The following ANTXR1 variants were observed in gnomAD, a reference collection of about 807,000 sequenced individuals.
ANTXR1 encodes ANTXR cell adhesion molecule 1, also known as anthrax toxin receptor 1.
ANTXR1 carries 19 observed loss-of-function variants against 78.1 expected under a neutral mutation model. That is an observed-to-expected ratio of 0.24 (90% CI 0.17 to 0.36). The LOEUF is 0.36. ANTXR1 is among the 10% of genes least tolerant of loss of function. ANTXR1 has a pLI of 1.00. For missense variants in ANTXR1, 518 were observed against 718.6 expected, an observed-to-expected ratio of 0.72 and a Z score of 3.19; for synonymous variants, 273 against 260.5, an observed-to-expected ratio of 1.05 and a Z score of -0.46.
At chr2:69,065,449 T>G (rs1385218495) in intron 3 of ANTXR1, among the ~76,000 whole-genome samples, 1 of 146,052 alleles carries the variant, frequency 6.8e-6, no homozygotes, top group African/African-American at 2.6e-5. Flanking sequence ...AAAAGTGATT[T>G]TTCTAAAAGG....
At chr2:69,185,551 G>GAA (rs75084788) in intron 16 of ANTXR1, among the ~76,000 whole-genome samples, 18 of 89,556 alleles carry the variant, frequency 2.0e-4, no homozygotes, top group Admixed American at 3.6e-4. Context: ...AATAAAAAAA[G>GAA]AAAAAAAAAA....
chr2:69,173,346 T>A (rs1225699614), intron 14 of ANTXR1, among the ~76,000 whole-genome samples: 1 of 152,214 alleles, frequency 6.6e-6, no homozygotes, highest in East Asian at 1.9e-4. Flanking sequence ...TGCTTATAGC[T>A]GAGTCTCTCA....
chr2:69,205,756 A>G lies in ANTXR1; in HGVS notation c.1434+12341A>G, dbSNP rs1002454810. Among the ~76,000 whole-genome samples, 5 of 152,284 alleles carry G rather than the reference A, an allele frequency of 3.3e-5. No individual in the cohort carries two copies. In the South Asian group the frequency reaches 6.2e-4, roughly 19 times the overall value. On this transcript the variant is annotated intron_variant, in intron 17 of 17. Transcript: ENST00000303714. ...CACAGGCAAGGGGACATCTGAATGAATCCTCCGTCTCTTAATAAGGAGAGA... is the reference window on the plus strand; with the variant it reads ...CACAGGCAAGGGGACATCTGAATGAGTCCTCCGTCTCTTAATAAGGAGAGA...
chr2:69,161,991 C>T (rs1673693974), intron 13 of ANTXR1, among the ~76,000 whole-genome samples: 1 of 151,232 alleles, frequency 6.6e-6, no homozygotes, highest in South Asian at 2.1e-4. Context: ...TTTGAGCTAA[C>T]CTCTGAGCGT....
At chr2:69,092,572 T>G (rs1671274375) in intron 9 of ANTXR1, among the ~76,000 whole-genome samples, 1 of 152,202 alleles carries the variant, frequency 6.6e-6, no homozygotes, top group Non-Finnish European at 1.5e-5. Flanking sequence ...TCCCAAAAGA[T>G]TACCTACTGA....
chr2:69,134,114 G>A (rs1225756296), intron 12 of ANTXR1, among the ~76,000 whole-genome samples: 3 of 152,120 alleles, frequency 2.0e-5, no homozygotes, highest in South Asian at 2.1e-4. Flanking sequence ...AACTAAGGAG[G>A]TGATGGGACC....
chr2:69,157,170 C>T (rs1413553732), intron 13 of ANTXR1, among the ~76,000 whole-genome samples: 2 of 152,158 alleles, frequency 1.3e-5, no homozygotes, highest in Admixed American at 6.5e-5. Context: ...TAGGCACTGT[C>T]GACCTCTCTC....
chr2:69,213,996 A>T lies in ANTXR1; in HGVS notation c.1434+20581A>T, dbSNP rs546792599. Among the ~76,000 whole-genome samples, 13 of 152,364 alleles carry T rather than the reference A, an allele frequency of 8.5e-5. No individual in the cohort carries two copies. The South Asian group carries it at 2.3e-3, about 27-fold the overall frequency. On this transcript the variant is annotated intron_variant, in intron 17 of 17. Transcript: ENST00000303714. Reference sequence around the variant, plus strand: ...TGCTGTGGTCCCTCTGCCAGCCCCCAGGGCAACCCACAGCCAGGCAGTCTC... The same window carrying T: ...TGCTGTGGTCCCTCTGCCAGCCCCCTGGGCAACCCACAGCCAGGCAGTCTC...
intron 3 of ANTXR1, among the ~76,000 whole-genome samples, chr2:69,069,812 A>G (rs1385337836): frequency 1.3e-5 from 2 of 152,154 alleles, no homozygotes; most frequent in Non-Finnish European, 2.9e-5. Context: ...ATTTAAATAG[A>G]GCATCTCCAC....
At chr2:69,177,701 A>G (rs1674164694) in intron 14 of ANTXR1, among the ~76,000 whole-genome samples, 1 of 152,132 alleles carries the variant, frequency 6.6e-6, no homozygotes, top group Non-Finnish European at 1.5e-5. Flanking sequence ...GCTAGACACG[A>G]TCTAGCAGCT....
At chr2:69,184,205 A>C (rs1674363926) in intron 16 of ANTXR1, among the ~76,000 whole-genome samples, 1 of 152,214 alleles carries the variant, frequency 6.6e-6, no homozygotes, top group Non-Finnish European at 1.5e-5. Flanking sequence ...CAGTGTAGCG[A>C]AACGTTATTG....
chr2:69,153,698 GA>G (rs1244336070), intron 13 of ANTXR1, among the ~76,000 whole-genome samples: 1 of 152,198 alleles, frequency 6.6e-6, no homozygotes, highest in East Asian at 1.9e-4. Context: ...TTCAAGTCTA[GA>G]AAAAGAAAAG....
rs114613813 is a variant in ANTXR1 at position 69,084,208 on chromosome 2, T to G, written c.643-6651T>G. Reference sequence around the variant, plus strand: ...CACTTTTCCAGTCTGCTCATCTTACTAAATAAACCACATTTTGAAGTTCCC... The same window carrying G: ...CACTTTTCCAGTCTGCTCATCTTACGAAATAAACCACATTTTGAAGTTCCC... On this transcript the variant is annotated intron_variant, in intron 8 of 17. Transcript: ENST00000303714. Among the ~76,000 whole-genome samples the G allele has an allele frequency of 3.1e-3, 476 of 152,340 alleles. 4 individuals are homozygous for G. Among genetic ancestry groups the G allele is most frequent in the African/African-American group, 0.011 (442 of 41,570 alleles).
At chr2:69,057,798 C>G (rs1466024886) in intron 3 of ANTXR1, among the ~76,000 whole-genome samples, 1 of 152,108 alleles carries the variant, frequency 6.6e-6, no homozygotes, top group African/African-American at 2.4e-5. Flanking sequence ...GGTTAAAAGC[C>G]AAGACAGGCC....
intron 10 of ANTXR1, among the ~76,000 whole-genome samples, chr2:69,116,320 A>G (rs927855193): frequency 2.0e-5 from 3 of 152,240 alleles, no homozygotes; most frequent in African/African-American, 7.2e-5. Flanking sequence ...TTGGAGCTCC[A>G]GAAAGCTCAG....
intron 17 of ANTXR1, among the ~76,000 whole-genome samples, chr2:69,243,962 C>T (rs1465033518): frequency 1.3e-5 from 2 of 152,202 alleles, no homozygotes; most frequent in Non-Finnish European, 2.9e-5. Flanking sequence ...GCCAGGAGCC[C>T]TCAGAGGGGT....
intron 3 of ANTXR1, among the ~76,000 whole-genome samples, chr2:69,049,182 GT>G (rs1462195214): frequency 3.3e-5 from 5 of 152,090 alleles, no homozygotes; most frequent in Non-Finnish European, 4.4e-5. Context: ...ATGTCAGTGG[GT>G]TTTCTGTAGA....
At position 69,013,251 on chromosome 2, in the gene ANTXR1, C is replaced by G. The variant is rs1183320437; in HGVS notation, c.-249C>G. ...CCGGCGGCCCCGGACCGAGGCAGCC[C>G]TCCCCTTTAAAAGAAGCGGAGGACA... On this transcript the variant is annotated 5_prime_UTR_variant, in exon 1 of 18. Transcript: ENST00000303714. This position sits in a 1 kb window ranked among gnomAD's most constrained non-coding sequence, Gnocchi z 5.0. 4 of 622,166 alleles carry G rather than the reference C, an allele frequency of 6.4e-6. No homozygotes were observed. The African/African-American group carries it at 7.4e-5, about 11-fold the overall frequency. 38.5% of individuals were successfully genotyped at this position (622,166 alleles called of 1,614,324 possible).
chr2:69,086,226 A>G (rs1671044549), intron 8 of ANTXR1, among the ~76,000 whole-genome samples: 1 of 152,274 alleles, frequency 6.6e-6, no homozygotes, highest in Admixed American at 6.5e-5. Context: ...GGGATTCCTT[A>G]TAACTCTGTG....
Sources: gnomAD v4.1 joint callset for allele counts (sites outside exome capture counted in the v4.1 genomes callset) on GRCh38, gnomAD v4.1.1 for gene constraint, Gnocchi (gnomAD v3.1) non-coding constraint, MANE v1.5 for transcripts, NCBI Gene and HGNC (gene_info 2026-07-23, HGNC 2026-07-21) for gene names.